GNPTAB: variants seen among roughly 807,000 people sequenced by gnomAD.
GNPTAB encodes N-acetylglucosamine-1-phosphate transferase subunits alpha and beta, also known as N-acetylglucosamine-1-phosphotransferase subunits alpha/beta.
Under a neutral mutation model 136.6 loss-of-function variants are expected in GNPTAB, and 92 were observed. The observed-to-expected ratio is 0.67, with a 90% CI of 0.57 to 0.80. The LOEUF (loss-of-function observed/expected upper bound fraction) is 0.80, where lower values mean the gene tolerates loss of function less well. GNPTAB is among the 30% of genes least tolerant of loss of function. The probability of loss-of-function intolerance (pLI) is 0.00; values close to 1 mark genes in which losing one functional copy is unlikely to be tolerated. For missense variants in GNPTAB, 1,343 were observed against 1,501.8 expected, an observed-to-expected ratio of 0.89 and a Z score of 1.75; for synonymous variants, 512 against 535.1, an observed-to-expected ratio of 0.96 and a Z score of 0.60.
chr12:101,749,151 C>T lies in GNPTAB; in HGVS notation c.3643G>A (p.Val1215Ile). The T allele has an allele frequency of 6.2e-7, 1 of 1,612,818 alleles. No homozygotes were observed. The highest frequency in any genetic ancestry group is 8.5e-7 in the Non-Finnish European group (1 of 1,178,982). Reference protein sequence around the residue: ...RDKLKFWTHCVLATLIMFTIF... With the variant: ...RDKLKFWTHCILATLIMFTIF... Reference sequence around the variant, plus strand: ...GTAAACATAATCAATGTTGCTAGTACACAATGGGTCCAAAACTTCAATTTG... The same window carrying T: ...GTAAACATAATCAATGTTGCTAGTATACAATGGGTCCAAAACTTCAATTTG... The change falls in exon 20 of 21, where the codon GTA becomes ATA. Residue 1215 changes from valine (V) to isoleucine (I), a missense_variant. Coordinates refer to ENST00000299314, the MANE Select transcript of GNPTAB (RefSeq NM_024312.5).
At chr12:101,820,488 C>T (rs1172613673) in intron 1 of GNPTAB, among the ~76,000 whole-genome samples, 4 of 152,204 alleles carry the variant, frequency 2.6e-5, no homozygotes, top group Non-Finnish European at 5.9e-5. Context: ...TTCTCAACTT[C>T]AGCACTATCG....
chr12:101,830,550 G>T lies in GNPTAB; in HGVS notation c.117+9C>A, dbSNP rs374108887. 1.3e-6 allele frequency: 2 copies of T among 1,571,628 alleles called. No individual in the cohort carries two copies. Among genetic ancestry groups the T allele is most frequent in the Non-Finnish European group, 1.7e-6 (2 of 1,143,748 alleles). On this transcript the variant is annotated intron_variant, in intron 1 of 20. Coordinates refer to ENST00000299314, the MANE Select transcript of GNPTAB (RefSeq NM_024312.5). ...GGCGCCCGGTCCAGGCTGCGGCGCC[G>T]CTACTCACCTCTCCGAACTGGAAGG...
At chr12:101,761,407 T>C (rs1257307908) in intron 14 of GNPTAB, 61 bp from the exon 15 acceptor site, 1 of 1,531,664 alleles carries the variant, frequency 6.5e-7, no homozygotes, top group Non-Finnish European at 9.0e-7. Context: ...TATCTAACAT[T>C]TGCAGAGATG....
intron 4 of GNPTAB, 51 bp from the exon 5 acceptor site, chr12:101,786,268 G>A (rs1342961899): frequency 4.3e-6 from 6 of 1,401,970 alleles, no homozygotes; most frequent in Non-Finnish European, 6.0e-6. Context: ...AATTTAATCA[G>A]CAATGAGAAG....
chr12:101,809,251 T>G (rs1024188349), intron 1 of GNPTAB, among the ~76,000 whole-genome samples: 2 of 152,180 alleles, frequency 1.3e-5, no homozygotes, highest in African/African-American at 4.8e-5. Flanking sequence ...ACTGCACACC[T>G]AATGGAATGG....
rs2137123702 is a variant in GNPTAB, at chr12:101,770,171, G to C, written c.1134C>G (p.Ser378Arg). 5 of 1,614,118 alleles carry C rather than the reference G, an allele frequency of 3.1e-6. No individual in the cohort carries two copies. In the South Asian group the frequency reaches 4.4e-5, roughly 14 times the overall value. ...VTHQDVFRNL[S>R]HLPTFSSPAI... ...CAGGTGAACTAAAGGTAGGCAAGTG[G>C]CTCAAATTTCGAAAAACATCCTTTT... is the stretch of plus-strand genomic sequence containing the variant. The change falls in exon 10 of 21, where the codon AGC (serine) becomes AGG (arginine). Residue 378 changes from serine (S) to arginine (R), a missense_variant. By Grantham distance (110) the Ser-to-Arg change is moderately radical. Transcript: ENST00000299314.
chr12:101,809,306 A>C (rs765232162), intron 1 of GNPTAB, among the ~76,000 whole-genome samples: 5 of 152,238 alleles, frequency 3.3e-5, no homozygotes, highest in Admixed American at 6.5e-5. Context: ...AAAGATGTGA[A>C]GCAACAGGAA....
At chr12:101,829,456 G>A (rs1022347653) in intron 1 of GNPTAB, among the ~76,000 whole-genome samples, 4 of 152,172 alleles carry the variant, frequency 2.6e-5, no homozygotes, top group African/African-American at 9.7e-5. Context: ...CTGCATTCCA[G>A]CCTGGGCAAC....
intron 1 of GNPTAB, among the ~76,000 whole-genome samples, chr12:101,811,389 T>C (rs1252072688): frequency 6.6e-6 from 1 of 151,828 alleles, no homozygotes; most frequent in Non-Finnish European, 1.5e-5. Context: ...TTTTCTTTTT[T>C]TTTTTTTCTT....
At chr12:101,804,771 A>G (rs1869846528) in intron 1 of GNPTAB, among the ~76,000 whole-genome samples, 1 of 152,220 alleles carries the variant, frequency 6.6e-6, no homozygotes, top group East Asian at 1.9e-4. Context: ...CAAACCTTAA[A>G]GACTGTCACA....
chr12:101,802,925 G>A (rs933714082), intron 1 of GNPTAB, among the ~76,000 whole-genome samples: 12 of 152,008 alleles, frequency 7.9e-5, no homozygotes, highest in Non-Finnish European at 1.2e-4. Flanking sequence ...GGAGACTCCC[G>A]GACATAACAC....
intron 8 of GNPTAB, 30 bp from the exon 9 acceptor site, chr12:101,770,615 T>G: frequency 6.7e-7 from 1 of 1,502,438 alleles, no homozygotes; most frequent in Non-Finnish European, 9.3e-7. Flanking sequence ...TATGAAGATG[T>G]GAAATACCCC....
chr12:101,805,767 T>C (rs1383939422), intron 1 of GNPTAB, among the ~76,000 whole-genome samples: 1 of 152,148 alleles, frequency 6.6e-6, no homozygotes, highest in East Asian at 1.9e-4. Flanking sequence ...TGGCAGTGTG[T>C]ACCAAAGAAA....
Position 101,830,598 on chromosome 12 carries a change from G to T in GNPTAB, c.78C>A (p.Gly26=). Residue 26 remains glycine (G), a synonymous_variant, in exon 1 of 21, where the codon GGC becomes GGA. Coordinates refer to ENST00000299314, the MANE Select transcript of GNPTAB (RefSeq NM_024312.5). The stretch of plus-strand genomic sequence containing the variant: ...AGGCGGAGACGATGGTGACAACGAC[G>T]CCCAAGAAGCACACGTAGAGCCCAT... ...HRYGLYVCFL[G]VVVTIVSAFQ... 1 of 1,612,872 alleles carries T rather than the reference G, an allele frequency of 6.2e-7. No individual in the cohort carries two copies. Among genetic ancestry groups the T allele is most frequent in the Non-Finnish European group, 8.5e-7 (1 of 1,179,176 alleles).
At chr12:101,819,254 C>G (rs1870679096) in intron 1 of GNPTAB, among the ~76,000 whole-genome samples, 1 of 152,156 alleles carries the variant, frequency 6.6e-6, no homozygotes, top group Non-Finnish European at 1.5e-5. Context: ...TGAGGTGATC[C>G]ACCTGCCCCG....
At position 101,746,387 on chromosome 12, in the gene GNPTAB, G is replaced by A. The variant is rs951995401; in HGVS notation, c.*777C>T. On this transcript the variant is annotated 3_prime_UTR_variant, in exon 21 of 21. Transcript: ENST00000299314. The stretch of plus-strand genomic sequence containing the variant: ...CATCAGCACTACTCATTTCTAAAAT[G>A]AGGCACTTCTGTTTGAATATGTACA... The A allele has an allele frequency of 6.6e-6, 1 of 152,216 alleles. No homozygotes were observed. Among genetic ancestry groups the A allele is most frequent in the Non-Finnish European group, 1.5e-5 (1 of 68,064 alleles). The allele number at this position is 152,216 out of a possible 1,614,324, so 9.4% of individuals were successfully genotyped here. A position where few individuals can be genotyped will look rare whatever the true frequency, so the allele number is the denominator to read the frequency against.
At chr12:101,803,609 C>A (rs1264475433) in intron 1 of GNPTAB, among the ~76,000 whole-genome samples, 1 of 150,436 alleles carries the variant, frequency 6.6e-6, no homozygotes, top group Non-Finnish European at 1.5e-5. Flanking sequence ...ACCATGGCTA[C>A]CCTCTTTGGA....
intron 10 of GNPTAB, among the ~76,000 whole-genome samples, chr12:101,769,490 T>C (rs990410806): frequency 2.6e-5 from 4 of 152,216 alleles, no homozygotes; most frequent in African/African-American, 7.2e-5. Context: ...CCTGGGTGTC[T>C]AAGAATGCAG....
At chr12:101,779,140 C>G (rs1953302127) in intron 7 of GNPTAB, 1 of 152,110 alleles carries the variant, frequency 6.6e-6, no homozygotes, top group Non-Finnish European at 1.5e-5. Flanking sequence ...ACAGCTCCCC[C>G]ACCACTACTC....
Sources: gnomAD v4.1 joint callset for allele counts (sites outside exome capture counted in the v4.1 genomes callset) on GRCh38, gnomAD v4.1.1 for gene constraint, MANE v1.5 for transcripts, NCBI Gene and HGNC (gene_info 2026-07-23, HGNC 2026-07-21) for gene names.